Variants in TMEM94 observed in about 807,000 individuals in gnomAD.
TMEM94 encodes ER Mg2+ ATPase.
TMEM94 carries 81 observed loss-of-function variants against 158.6 expected under a neutral mutation model. The observed-to-expected ratio is 0.51, with a 90% CI of 0.43 to 0.61. TMEM94 has a LOEUF of 0.61. Among genes scored for constraint, TMEM94 ranks in the 20% least tolerant of loss-of-function variants. TMEM94 has a pLI of 0.00. For synonymous variants in TMEM94, 751 were observed against 730.7 expected (o/e 1.03, Z -0.45); for missense variants, 1,435 against 1,762.0 (o/e 0.81, Z 3.32).
At chr17:75,468,751 CA>C (rs2050394143) in intron 1 of TMEM94, among the ~76,000 whole-genome samples, 1 of 152,178 alleles carries the variant, frequency 6.6e-6, no homozygotes, top group East Asian at 1.9e-4. Context: ...GAGTTGGTGG[CA>C]GAACCTGGGC....
rs1221761656 is a variant in TMEM94 at position 75,491,317 on chromosome 17, G to A, written c.1248G>A (p.Val416=). 1 of 1,614,142 alleles carries A rather than the reference G, an allele frequency of 6.2e-7. No homozygotes were observed. The highest frequency in any genetic ancestry group is 1.7e-5 in the Admixed American group (1 of 60,022). ...SLGSVTVLCC[V]DKQGILSWPN... ...TTTCCATGCAGGTCCTGTGCTGTGT[G>A]GACAAACAGGGGATCCTGTCATGGC... The change falls in exon 13 of 32, where the codon GTG becomes GTA. Residue 416 remains valine (V), a synonymous_variant. Coordinates refer to ENST00000314256, the MANE Select transcript of TMEM94 (RefSeq NM_014738.6). This position sits in a 1 kb window ranked among gnomAD's most constrained non-coding sequence, Gnocchi z 5.1.
In TMEM94 at chr17:75,491,283, C is replaced by T; in HGVS notation, c.1234-20C>T. ...GGCTAATGCCAGGCCCCTTTCCTAT[C>T]TCAAATGCTTTCCATGCAGGTCCTG... is the stretch of plus-strand genomic sequence containing the variant. On this transcript the variant is annotated intron_variant, in intron 12 of 31. Coordinates refer to ENST00000314256, the MANE Select transcript of TMEM94 (RefSeq NM_014738.6). The surrounding 1 kb of genome is among the most constrained non-coding windows in gnomAD (Gnocchi z 5.1). The T allele has an allele frequency of 6.2e-7, 1 of 1,613,960 alleles. No individual in the cohort carries two copies. The highest frequency in any genetic ancestry group is 8.5e-7 in the Non-Finnish European group (1 of 1,179,922).
chr17:75,486,082 G>A, intron 4 of TMEM94, 84 bp downstream of exon 4: 4 of 1,488,666 alleles, frequency 2.7e-6, no homozygotes, highest in Non-Finnish European at 8.9e-7. Context: ...AGGGCTCTTG[G>A]GGGCTGTCAC....
chr17:75,497,136 G>A lies in TMEM94; in HGVS notation c.3345G>A (p.Leu1115=), dbSNP rs372068615. The A allele has an allele frequency of 3.3e-5, 54 of 1,613,944 alleles. No individual in the cohort carries two copies. In the South Asian group the frequency reaches 3.8e-4, roughly 11 times the overall value. The change falls in exon 26 of 32, where the codon CTG becomes CTA. Residue 1115 remains leucine, a synonymous_variant. Transcript: ENST00000314256. Reference sequence around the variant, plus strand: ...AGTTCCTTTCTTGCCTGGTCCAGCTGCCGCCACTCCTGAGTACCACCGACA... The same window carrying A: ...AGTTCCTTTCTTGCCTGGTCCAGCTACCGCCACTCCTGAGTACCACCGACA... ...VIQFLSCLVQ[L]PPLLSTTDIL...
chr17:75,489,692 C>CT lies in TMEM94; in HGVS notation c.954+32dup. ...GGACCACCCTGTCCTCTCTGTCATGCTTCCCTCCGACCCGCAGGGCTGGCT... is the reference window on the plus strand; with the variant it reads ...GGACCACCCTGTCCTCTCTGTCATGCTTTCCCTCCGACCCGCAGGGCTGGCT... On this transcript the variant is annotated intron_variant, in intron 9 of 31. Coordinates refer to ENST00000314256, the MANE Select transcript of TMEM94 (RefSeq NM_014738.6). The surrounding 1 kb of genome is among the most constrained non-coding windows in gnomAD (Gnocchi z 5.0). The CT allele has an allele frequency of 6.3e-7, 1 of 1,582,342 alleles. No homozygotes were observed. The highest frequency in any genetic ancestry group is 8.7e-7 in the Non-Finnish European group (1 of 1,151,642).
chr17:75,481,351 T>C (rs748458676), intron 2 of TMEM94, among the ~76,000 whole-genome samples: 1 of 152,222 alleles, frequency 6.6e-6, no homozygotes, highest in African/African-American at 2.4e-5. Context: ...AAGAGGCGGC[T>C]CTTATCTTTA....
intron 25 of TMEM94, 128 bp from the exon 26 acceptor site, chr17:75,496,985 C>T: frequency 9.7e-7 from 1 of 1,027,248 alleles, no homozygotes; most frequent in Non-Finnish European, 1.5e-6. Flanking sequence ...AGTATTCCCT[C>T]CGGCCCCTGT....
Position 75,495,306 on chromosome 17 carries a change from G to A in TMEM94, c.2751G>A (p.Gly917=), listed in dbSNP as rs763193440. Residue 917 remains glycine, a synonymous_variant, in exon 21 of 32, where the codon GGG becomes GGA. Transcript: ENST00000314256. This position sits in a 1 kb window ranked among gnomAD's most constrained non-coding sequence, Gnocchi z 5.6. ...CAGTGTCCCGAGATGATGCAGAAGG[G>A]CTCCTCCTCATGGAGGAGGAGGGCC... ...LNQVSRDDAE[G]LLLMEEEGHS... is the part of the protein sequence containing the mutation. 1.2e-6 allele frequency: 2 copies of A among 1,609,972 alleles called. No individual in the cohort carries two copies. The highest frequency in any genetic ancestry group is 4.5e-5 in the East Asian group (2 of 44,836).
In TMEM94 at chr17:75,498,792, G is replaced by C; in HGVS notation, c.3827+70G>C. ...GAGGGCCTTCTGCAGGGCTAGGATCGGAGGGCGGGACCGGGGCCAGTGGTT... is the reference window on the plus strand; with the variant it reads ...GAGGGCCTTCTGCAGGGCTAGGATCCGAGGGCGGGACCGGGGCCAGTGGTT... On this transcript the variant is annotated intron_variant, in intron 30 of 31. Transcript: ENST00000314256. This position sits in a 1 kb window ranked among gnomAD's most constrained non-coding sequence, Gnocchi z 6.7. 2.6e-6 allele frequency: 4 copies of C among 1,527,644 alleles called. No individual in the cohort carries two copies. The highest frequency in any genetic ancestry group is 1.8e-6 in the Non-Finnish European group (2 of 1,136,310). 94.6% of individuals were successfully genotyped at this position (1,527,644 alleles called of 1,614,324 possible). A position where few individuals can be genotyped will look rare whatever the true frequency, so the allele number is the denominator to read the frequency against.
At chr17:75,490,785 T>C in intron 11 of TMEM94, 27 bp downstream of exon 11, 1 of 1,602,192 alleles carries the variant, frequency 6.2e-7, no homozygotes, top group African/African-American at 1.3e-5. Flanking sequence ...GGATGGCTTC[T>C]CTCGCAGGTC....
At chr17:75,496,557 C>G in intron 24 of TMEM94, 86 bp downstream of exon 24, 1 of 1,490,088 alleles carries the variant, frequency 6.7e-7, no homozygotes, top group Non-Finnish European at 9.2e-7. Flanking sequence ...TGTTTGAACC[C>G]GGGGACCTCA....
At chr17:75,476,854 A>G in intron 2 of TMEM94, 1 of 1,468,262 alleles carries the variant, frequency 6.8e-7, no homozygotes, top group Non-Finnish European at 9.1e-7. Context: ...GACAATGCAA[A>G]ATGGGAGGCT....
chr17:75,479,469 G>A (rs1045342631), intron 2 of TMEM94, among the ~76,000 whole-genome samples: 4 of 151,416 alleles, frequency 2.6e-5, no homozygotes, highest in Non-Finnish European at 4.4e-5. Context: ...ACAGGTGCCC[G>A]CCACCATGCC....
chr17:75,499,912 TC>T lies in TMEM94; in HGVS notation c.*580del, dbSNP rs1308223512. The T allele has an allele frequency of 6.5e-6, 1 of 154,104 alleles. No homozygotes were observed. The highest frequency in any genetic ancestry group is 1.9e-4 in the East Asian group (1 of 5,208). 9.5% of individuals were successfully genotyped at this position (154,104 alleles called of 1,614,324 possible). ...GCCCCCGCTTCGCCCTGGAGCCTCT[TC>T]CTGTGCCTGGCTCAAGCTGGCTGCC... On this transcript the variant is annotated 3_prime_UTR_variant, in exon 32 of 32. Coordinates refer to ENST00000314256, the MANE Select transcript of TMEM94 (RefSeq NM_014738.6).
Position 75,499,481 on chromosome 17 carries a change from G to A in TMEM94, c.*147G>A, listed in dbSNP as rs539846504. Reference sequence around the variant, plus strand: ...AACCCAGCTCCCCGTGTCAGACCCCGCTGTCTTCCTGAGCCCTGGGGCTCA... The same window carrying A: ...AACCCAGCTCCCCGTGTCAGACCCCACTGTCTTCCTGAGCCCTGGGGCTCA... On this transcript the variant is annotated 3_prime_UTR_variant, in exon 32 of 32. Transcript: ENST00000314256. 18 of 734,128 alleles carry A rather than the reference G, an allele frequency of 2.5e-5. No individual in the cohort carries two copies. Among genetic ancestry groups the A allele is most frequent in the South Asian group, 5.2e-5 (3 of 57,534 alleles). 45.5% of individuals were successfully genotyped at this position (734,128 alleles called of 1,614,324 possible). A position where few individuals can be genotyped will look rare whatever the true frequency, so the allele number is the denominator to read the frequency against.
At chr17:75,471,469 C>G (rs1424108801) in intron 1 of TMEM94, among the ~76,000 whole-genome samples, 1 of 151,848 alleles carries the variant, frequency 6.6e-6, no homozygotes, top group Non-Finnish European at 1.5e-5. Context: ...TTAGATGATA[C>G]TATTATGTTG....
intron 1 of TMEM94, 136 bp downstream of exon 1, chr17:75,456,887 C>T (rs557170222): frequency 6.6e-6 from 1 of 152,466 alleles, no homozygotes; most frequent in African/African-American, 2.4e-5. Context: ...AAGGGGATGC[C>T]TCCTGAGGGG....
At chr17:75,493,952 G>C in intron 18 of TMEM94, 36 bp downstream of exon 18, 1 of 1,574,454 alleles carries the variant, frequency 6.4e-7, no homozygotes, top group Non-Finnish European at 8.6e-7. Context: ...GCTGGTGCTG[G>C]GGCTCCCCTG....
intron 2 of TMEM94, chr17:75,476,658 C>G (rs146012771): frequency 6.5e-7 from 1 of 1,534,930 alleles, no homozygotes; most frequent in Non-Finnish European, 8.7e-7. Context: ...GAAGTTCTTG[C>G]AGCTGACTGC....
Sources: gnomAD v4.1 joint callset for allele counts (sites outside exome capture counted in the v4.1 genomes callset) on GRCh38, gnomAD v4.1.1 for gene constraint, Gnocchi (gnomAD v3.1) non-coding constraint, MANE v1.5 for transcripts, NCBI Gene and HGNC (gene_info 2026-07-23, HGNC 2026-07-21) for gene names.